Variants in SORCS3 observed in about 807,000 individuals in gnomAD.
SORCS3 encodes sortilin related VPS10 domain containing receptor 3.
In SORCS3, 57 loss-of-function variants were observed where a neutral mutation model predicts 146.3. The ratio of observed to expected loss-of-function variants is 0.39; its 90% CI spans 0.31 to 0.49. The LOEUF is 0.49. Ranked by LOEUF, SORCS3 falls within the 20% of genes least tolerant of loss-of-function variation. The probability of loss-of-function intolerance (pLI) is 0.92; values close to 1 mark genes in which losing one functional copy is unlikely to be tolerated. For missense variants in SORCS3, 1,341 were observed against 1,575.5 expected (o/e 0.85, Z 2.52); for synonymous variants, 653 against 618.5 (o/e 1.06, Z -0.83).
At chr10:105,229,686 A>C (rs981897434) in intron 20 of SORCS3, among the ~76,000 whole-genome samples, 1 of 152,080 alleles carries the variant, frequency 6.6e-6, no homozygotes, top group Non-Finnish European at 1.5e-5. Context: ...AGGCCATGGA[A>C]ATTTTTTGCT....
intron 2 of SORCS3, among the ~76,000 whole-genome samples, chr10:104,852,219 G>T (rs574011833): frequency 3.7e-4 from 56 of 152,270 alleles, no homozygotes; most frequent in African/African-American, 1.1e-3. Context: ...ATTCCATTTT[G>T]CAGACAGATC....
intron 2 of SORCS3, among the ~76,000 whole-genome samples, chr10:104,850,517 C>A (rs564315441): frequency 6.6e-6 from 1 of 152,074 alleles, no homozygotes; most frequent in East Asian, 1.9e-4. Context: ...CTCAGGAGGT[C>A]GAGGCTACAG....
chr10:104,895,684 T>C (rs749336925), intron 2 of SORCS3, among the ~76,000 whole-genome samples: 9 of 152,180 alleles, frequency 5.9e-5, no homozygotes, highest in Non-Finnish European at 1.2e-4. Context: ...GTTCTGGCTT[T>C]GATGGCAAGG....
chr10:104,841,050 GTGTGTGTGTGTA>G (rs2018134284), intron 1 of SORCS3, among the ~76,000 whole-genome samples: 4 of 152,042 alleles, frequency 2.6e-5, no homozygotes, highest in Admixed American at 2.0e-4. Flanking sequence ...ACTTTGAGGT[GTGTGTGTGTGTA>G]TGTGTGTGTG....
At chr10:105,213,920 A>G (rs2056649500) in intron 17 of SORCS3, among the ~76,000 whole-genome samples, 1 of 152,168 alleles carries the variant, frequency 6.6e-6, no homozygotes, top group Non-Finnish European at 1.5e-5. Context: ...GCTATTAGGC[A>G]TTAGGGGAAG....
chr10:105,200,145 G>A (rs1405806902), intron 15 of SORCS3, 29 bp downstream of exon 15: 3 of 1,562,784 alleles, frequency 1.9e-6, no homozygotes, highest in Non-Finnish European at 2.6e-6. Context: ...TGGAGTGCTG[G>A]CTTTGAGGAG....
At chr10:105,176,712 A>G (rs1043213085) in intron 13 of SORCS3, among the ~76,000 whole-genome samples, 41 of 151,904 alleles carry the variant, frequency 2.7e-4, no homozygotes, top group Non-Finnish European at 5.4e-4. Flanking sequence ...AAAAATAGCC[A>G]TGCTTGGTGA....
intron 1 of SORCS3, among the ~76,000 whole-genome samples, chr10:104,710,640 A>G (rs1357930194): frequency 6.6e-6 from 1 of 152,232 alleles, no homozygotes; most frequent in Non-Finnish European, 1.5e-5. Context: ...CACATCCATG[A>G]GGTTTATGCT....
chr10:105,172,791 GCTTGTAATATAT>G (rs1453397067), intron 13 of SORCS3, among the ~76,000 whole-genome samples: 1 of 151,992 alleles, frequency 6.6e-6, no homozygotes, highest in East Asian at 1.9e-4. Flanking sequence ...CTTTTCTTAT[GCTTGTAATATAT>G]CTGTGAGCAC....
At chr10:104,968,408 G>A (rs1304655607) in intron 3 of SORCS3, among the ~76,000 whole-genome samples, 2 of 152,144 alleles carry the variant, frequency 1.3e-5, no homozygotes, top group South Asian at 2.1e-4. Context: ...GAGCCACCGC[G>A]CCCGGCCTTG....
intron 6 of SORCS3, among the ~76,000 whole-genome samples, chr10:105,102,227 A>G (rs924903347): frequency 3.3e-5 from 5 of 150,816 alleles, no homozygotes; most frequent in African/African-American, 7.3e-5. Flanking sequence ...GAACATGCAC[A>G]CATGTGTTCA....
chr10:105,029,251 T>A (rs768475735), intron 4 of SORCS3, among the ~76,000 whole-genome samples: 3 of 152,184 alleles, frequency 2.0e-5, no homozygotes, highest in Admixed American at 6.5e-5. Context: ...AACCACTGAT[T>A]TGGATCATTA....
At chr10:104,796,872 C>A (rs1213375327) in intron 1 of SORCS3, among the ~76,000 whole-genome samples, 1 of 152,182 alleles carries the variant, frequency 6.6e-6, no homozygotes, top group Admixed American at 6.5e-5. Context: ...TTTGCACAGA[C>A]ACACTCCAGA....
At chr10:104,850,392 G>A (rs1290784685) in intron 2 of SORCS3, among the ~76,000 whole-genome samples, 1 of 152,164 alleles carries the variant, frequency 6.6e-6, no homozygotes, top group Non-Finnish European at 1.5e-5. Flanking sequence ...AGACCAGCCA[G>A]GGAAACATGG....
intron 11 of SORCS3, among the ~76,000 whole-genome samples, chr10:105,162,071 C>A (rs1376248323): frequency 6.6e-6 from 1 of 152,184 alleles, no homozygotes; most frequent in African/African-American, 2.4e-5. Flanking sequence ...TGTAGCCACC[C>A]TGTATGGGCA....
chr10:105,129,439 T>C (rs2056001706), intron 7 of SORCS3, among the ~76,000 whole-genome samples: 1 of 151,148 alleles, frequency 6.6e-6, no homozygotes, highest in African/African-American at 2.4e-5. Context: ...GATAGCAAGT[T>C]TGAACATTTC....
At chr10:104,681,745 G>A (rs2015978968) in intron 1 of SORCS3, among the ~76,000 whole-genome samples, 1 of 152,084 alleles carries the variant, frequency 6.6e-6, no homozygotes, top group Admixed American at 6.5e-5. Context: ...CAATACCCCA[G>A]TAAAGCTCCT....
intron 4 of SORCS3, among the ~76,000 whole-genome samples, chr10:104,977,730 CTTTTTT>C (rs796233007): frequency 1.6e-5 from 2 of 122,910 alleles, no homozygotes; most frequent in South Asian, 2.8e-4. Context: ...CTTTTCTTTT[CTTTTTT>C]TTTTTTTTTT....
intron 1 of SORCS3, among the ~76,000 whole-genome samples, chr10:104,721,302 T>C (rs1227125195): frequency 6.6e-6 from 1 of 152,336 alleles, no homozygotes. Context: ...TGCAGCATTA[T>C]TTCTGAGGGC....
Sources: allele counts gnomAD v4.1 joint callset (sites outside exome capture counted in the v4.1 genomes callset), GRCh38; gene constraint gnomAD v4.1.1; transcripts MANE v1.5; gene names NCBI Gene and HGNC (gene_info 2026-07-23, HGNC 2026-07-21).